The following ASTN2 variants were observed in gnomAD, a reference collection of about 807,000 sequenced individuals.
The protein encoded by ASTN2 is astrotactin-2.
Under a neutral mutation model 139.8 loss-of-function variants are expected in ASTN2, and 54 were observed. The observed-to-expected ratio is 0.39, with a 90% CI of 0.31 to 0.48. ASTN2 has a LOEUF of 0.48. Ranked by LOEUF, ASTN2 falls within the 20% of genes least tolerant of loss-of-function variation. The pLI is 0.95. For missense variants in ASTN2, 1,565 were observed against 1,725.1 expected, an observed-to-expected ratio of 0.91 and a Z score of 1.64; for synonymous variants, 756 against 719.5, an observed-to-expected ratio of 1.05 and a Z score of -0.81.
At chr9:116,629,309 G>A (rs1856619307) in intron 17 of ASTN2, among the ~76,000 whole-genome samples, 2 of 151,902 alleles carry the variant, frequency 1.3e-5, no homozygotes, top group Admixed American at 6.6e-5. Context: ...GGTAGAGATG[G>A]GGTTTCACTG....
At chr9:116,947,670 G>A (rs567380377) in intron 10 of ASTN2, among the ~76,000 whole-genome samples, 1 of 152,274 alleles carries the variant, frequency 6.6e-6, no homozygotes, top group African/African-American at 2.4e-5. Flanking sequence ...GTCAGACCAA[G>A]GAATATTTTT....
intron 20 of ASTN2, among the ~76,000 whole-genome samples, chr9:116,462,902 G>A (rs1365619060): frequency 6.6e-6 from 1 of 151,534 alleles, no homozygotes; most frequent in African/African-American, 2.4e-5. Flanking sequence ...GCTAGTCACT[G>A]GATATCTCCT....
intron 22 of ASTN2, among the ~76,000 whole-genome samples, chr9:116,428,711 G>A (rs1847391046): frequency 6.6e-6 from 1 of 152,106 alleles, no homozygotes. Flanking sequence ...ACAGGCTCCA[G>A]AACACCGACT....
chr9:117,086,509 G>A (rs189074197), intron 5 of ASTN2, among the ~76,000 whole-genome samples: 1 of 152,290 alleles, frequency 6.6e-6, no homozygotes, highest in Admixed American at 6.5e-5. Flanking sequence ...AGGAGGTGGA[G>A]GTTGCAGTGA....
intron 5 of ASTN2, among the ~76,000 whole-genome samples, chr9:117,050,881 A>G (rs1333572198): frequency 6.6e-6 from 1 of 152,078 alleles, no homozygotes; most frequent in Non-Finnish European, 1.5e-5. Flanking sequence ...CTGCAGTTAG[A>G]TTTGCCTGTC....
At chr9:117,137,217 C>T (rs1588004289) in intron 4 of ASTN2, among the ~76,000 whole-genome samples, 1 of 152,178 alleles carries the variant, frequency 6.6e-6, no homozygotes, top group East Asian at 1.9e-4. Context: ...CTCCACCAGG[C>T]CTCTCAGGAA....
chr9:117,121,471 C>G (rs557635641), intron 4 of ASTN2, among the ~76,000 whole-genome samples: 2 of 152,174 alleles, frequency 1.3e-5, no homozygotes, highest in African/African-American at 4.8e-5. Context: ...GCTTGGTAGG[C>G]CTCTTTTGAT....
chr9:117,187,665 C>T (rs1043006052), intron 3 of ASTN2, among the ~76,000 whole-genome samples: 3 of 152,154 alleles, frequency 2.0e-5, no homozygotes, highest in Admixed American at 2.0e-4. Flanking sequence ...CCCTGCGCTG[C>T]CTCAGGACTC....
At chr9:116,920,292 T>C (rs1362280243) in intron 10 of ASTN2, among the ~76,000 whole-genome samples, 1 of 152,180 alleles carries the variant, frequency 6.6e-6, no homozygotes, top group Non-Finnish European at 1.5e-5. Context: ...CTGGCTTTGC[T>C]CTACATAGAG....
chr9:116,520,606 T>C (rs1850828076), intron 19 of ASTN2, among the ~76,000 whole-genome samples: 1 of 152,038 alleles, frequency 6.6e-6, no homozygotes, highest in Admixed American at 6.6e-5. Flanking sequence ...GAAGGATGTC[T>C]GCTTTCACCA....
chr9:116,883,701 T>C (rs1018761440), intron 10 of ASTN2, among the ~76,000 whole-genome samples: 6 of 152,202 alleles, frequency 3.9e-5, no homozygotes, highest in African/African-American at 1.2e-4. Context: ...ATCCACGCTC[T>C]TCTAACTCTT....
intron 13 of ASTN2, among the ~76,000 whole-genome samples, chr9:116,800,037 A>G (rs1307913250): frequency 2.6e-5 from 4 of 152,152 alleles, no homozygotes; most frequent in African/African-American, 4.8e-5. Context: ...CTCTCTCAGC[A>G]CCATCCAGTC....
intron 19 of ASTN2, among the ~76,000 whole-genome samples, chr9:116,499,816 C>T (rs1251757790): frequency 6.6e-6 from 1 of 152,084 alleles, no homozygotes; most frequent in East Asian, 1.9e-4. Flanking sequence ...TAAAAGAGTA[C>T]TGAGTAGAGA....
At chr9:116,760,941 G>C (rs1829657782) in intron 13 of ASTN2, among the ~76,000 whole-genome samples, 1 of 152,180 alleles carries the variant, frequency 6.6e-6, no homozygotes, top group Non-Finnish European at 1.5e-5. Context: ...ACGCGGAGGT[G>C]GGGAAACGCA....
intron 16 of ASTN2, among the ~76,000 whole-genome samples, chr9:116,680,341 G>A (rs1378799010): frequency 1.3e-5 from 2 of 152,192 alleles, no homozygotes; most frequent in Admixed American, 1.3e-4. Context: ...TTGAATCTCT[G>A]AATAGACCAA....
intron 3 of ASTN2, among the ~76,000 whole-genome samples, chr9:117,158,686 T>TC (rs1380700733): frequency 1.3e-5 from 2 of 152,038 alleles, no homozygotes; most frequent in African/African-American, 4.8e-5. Context: ...ACTAGAAGAT[T>TC]CAGGCAGATA....
chr9:117,096,629 T>G (rs1828847013), intron 4 of ASTN2, among the ~76,000 whole-genome samples: 1 of 152,152 alleles, frequency 6.6e-6, no homozygotes, highest in African/African-American at 2.4e-5. Context: ...TAAATAGGAC[T>G]CAGTCTTTGC....
At chr9:117,181,439 G>A (rs972911681) in intron 3 of ASTN2, among the ~76,000 whole-genome samples, 9 of 152,154 alleles carry the variant, frequency 5.9e-5, no homozygotes, top group African/African-American at 2.2e-4. Context: ...CTTGTTGAAG[G>A]TATTAATCCC....
At chr9:117,228,735 C>T (rs1204900435) in intron 2 of ASTN2, among the ~76,000 whole-genome samples, 1 of 152,086 alleles carries the variant, frequency 6.6e-6, no homozygotes, top group Non-Finnish European at 1.5e-5. Context: ...GGAGTTCAGG[C>T]CAGTCTTGGT....
Sources: allele counts gnomAD v4.1 joint callset (sites outside exome capture counted in the v4.1 genomes callset), GRCh38; gene constraint gnomAD v4.1.1; transcripts MANE v1.5; gene names NCBI Gene and HGNC (gene_info 2026-07-23, HGNC 2026-07-21).